ADAMTSL1: variants seen among roughly 807,000 people sequenced by gnomAD.
The protein encoded by ADAMTSL1 is ADAMTS like 1.
A neutral mutation model predicts 201.8 loss-of-function variants in ADAMTSL1; 126 were observed. The observed-to-expected ratio is 0.62, with a 90% CI of 0.54 to 0.72. The LOEUF is 0.72. Among genes scored for constraint, ADAMTSL1 ranks in the 30% least tolerant of loss-of-function variants. ADAMTSL1 has a pLI of 0.00. For synonymous variants in ADAMTSL1, 1,121 were observed against 903.4 expected (o/e 1.24, Z -4.32); for missense variants, 2,679 against 2,277.8 (o/e 1.18, Z -3.59).
At chr9:18,457,802 G>T (rs1251205335) in intron 2 of ADAMTSL1, among the ~76,000 whole-genome samples, 1 of 152,162 alleles carries the variant, frequency 6.6e-6, no homozygotes, top group East Asian at 1.9e-4. Flanking sequence ...GATGCAAAAA[G>T]AATTCCTAAT....
At chr9:18,183,990 G>T (rs1286404741) in intron 2 of ADAMTSL1, among the ~76,000 whole-genome samples, 1 of 152,164 alleles carries the variant, frequency 6.6e-6, no homozygotes, top group African/African-American at 2.4e-5. Context: ...ATAGGGTTTG[G>T]TCATAGAATA....
intron 1 of ADAMTSL1, among the ~76,000 whole-genome samples, chr9:17,957,402 G>C (rs949757211): frequency 1.3e-5 from 2 of 152,192 alleles, no homozygotes; most frequent in South Asian, 2.1e-4. Flanking sequence ...CAATGGACTC[G>C]ACAGATGCCA....
chr9:17,944,513 C>A (rs1053331552), intron 1 of ADAMTSL1, among the ~76,000 whole-genome samples: 1 of 151,788 alleles, frequency 6.6e-6, no homozygotes, highest in African/African-American at 2.4e-5. Context: ...TCAAGTCAAT[C>A]CTAAGCCAAA....
intron 2 of ADAMTSL1, among the ~76,000 whole-genome samples, chr9:18,179,767 G>T (rs1828368167): frequency 6.6e-6 from 1 of 151,976 alleles, no homozygotes; most frequent in South Asian, 2.1e-4. Flanking sequence ...TTCATATCCA[G>T]CCAAACTAAG....
chr9:17,956,408 G>A (rs1414794195), intron 1 of ADAMTSL1, among the ~76,000 whole-genome samples: 1 of 152,158 alleles, frequency 6.6e-6, no homozygotes, highest in Non-Finnish European at 1.5e-5. Context: ...AATATTGTTG[G>A]CAGTGTCCTC....
intron 23 of ADAMTSL1, among the ~76,000 whole-genome samples, chr9:18,836,331 C>A (rs1588197306): frequency 1.3e-5 from 2 of 152,152 alleles, no homozygotes. Flanking sequence ...GAATATTAGA[C>A]CTCTGTTGGA....
chr9:18,452,413 C>A (rs942042374), intron 2 of ADAMTSL1, among the ~76,000 whole-genome samples: 3 of 152,152 alleles, frequency 2.0e-5, no homozygotes, highest in African/African-American at 4.8e-5. Context: ...TGTCACTAAT[C>A]CCCGAAGTCA....
At chr9:18,715,462 A>T (rs1342354472) in intron 14 of ADAMTSL1, among the ~76,000 whole-genome samples, 1 of 152,180 alleles carries the variant, frequency 6.6e-6, no homozygotes, top group Non-Finnish European at 1.5e-5. Flanking sequence ...AGAGAGCCAA[A>T]TCATGCGTGA....
intron 2 of ADAMTSL1, among the ~76,000 whole-genome samples, chr9:18,281,569 A>G (rs957589630): frequency 6.6e-6 from 1 of 152,244 alleles, no homozygotes; most frequent in African/African-American, 2.4e-5. Context: ...AAACACAAAA[A>G]GGTCAACTTA....
At chr9:18,602,339 T>G (rs1824717470) in intron 4 of ADAMTSL1, among the ~76,000 whole-genome samples, 2 of 152,332 alleles carry the variant, frequency 1.3e-5, no homozygotes, top group Middle Eastern at 3.4e-3. Context: ...AACATGAGCC[T>G]CCTCTCTTCT....
intron 2 of ADAMTSL1, among the ~76,000 whole-genome samples, chr9:18,434,959 G>A (rs1819660311): frequency 6.6e-6 from 1 of 152,200 alleles, no homozygotes; most frequent in South Asian, 2.1e-4. Context: ...GACCACATCT[G>A]GCTTTGATCA....
chr9:18,206,235 T>TTG (rs958375653), intron 2 of ADAMTSL1, among the ~76,000 whole-genome samples: 4 of 152,036 alleles, frequency 2.6e-5, no homozygotes. Flanking sequence ...ATGTATTTTT[T>TTG]TGTGTGTGTG....
intron 2 of ADAMTSL1, among the ~76,000 whole-genome samples, chr9:18,280,003 C>T (rs1832724112): frequency 6.6e-6 from 1 of 152,098 alleles, no homozygotes; most frequent in Non-Finnish European, 1.5e-5. Flanking sequence ...TTCCATGGGG[C>T]CTGACCTGTC....
chr9:18,376,688 C>G (rs1298060792), intron 2 of ADAMTSL1, among the ~76,000 whole-genome samples: 2 of 152,086 alleles, frequency 1.3e-5, no homozygotes, highest in Non-Finnish European at 2.9e-5. Context: ...CACCTGTAAT[C>G]CCAACTACCT....
intron 1 of ADAMTSL1, among the ~76,000 whole-genome samples, chr9:18,128,920 AAAAG>A (rs1464981678): frequency 6.6e-6 from 1 of 152,210 alleles, no homozygotes; most frequent in African/African-American, 2.4e-5. Context: ...TTTCCTTTGA[AAAAG>A]AAAGAACCTA....
At chr9:18,519,012 TC>T (rs1207193244) in intron 2 of ADAMTSL1, among the ~76,000 whole-genome samples, 1 of 152,206 alleles carries the variant, frequency 6.6e-6, no homozygotes, top group African/African-American at 2.4e-5. Flanking sequence ...CTGCCTCCTC[TC>T]CTGGTGAGCT....
chr9:18,290,558 T>C (rs1833210784), intron 2 of ADAMTSL1, among the ~76,000 whole-genome samples: 1 of 151,884 alleles, frequency 6.6e-6, no homozygotes, highest in South Asian at 2.1e-4. Context: ...CTCTCTCACA[T>C]GGGGGCTGTG....
At chr9:18,442,283 CTA>C (rs1820026646) in intron 2 of ADAMTSL1, among the ~76,000 whole-genome samples, 1 of 152,192 alleles carries the variant, frequency 6.6e-6, no homozygotes, top group Non-Finnish European at 1.5e-5. Flanking sequence ...CTCCAATCTT[CTA>C]TTTTCCTGTA....
chr9:18,522,838 C>T (rs1437186009), intron 2 of ADAMTSL1, among the ~76,000 whole-genome samples: 1 of 152,068 alleles, frequency 6.6e-6, no homozygotes, highest in Non-Finnish European at 1.5e-5. Flanking sequence ...TCCAGTTGAT[C>T]ATTCATGGAC....
Sources: gnomAD v4.1 joint callset for allele counts (sites outside exome capture counted in the v4.1 genomes callset) on GRCh38, gnomAD v4.1.1 for gene constraint, MANE v1.5 for transcripts, NCBI Gene and HGNC (gene_info 2026-07-23, HGNC 2026-07-21) for gene names.